The following UMODL1 variants were observed in gnomAD, a reference collection of about 807,000 sequenced individuals.
UMODL1 encodes uromodulin like 1.
Under a neutral mutation model 136.3 loss-of-function variants are expected in UMODL1, and 128 were observed. The ratio of observed to expected loss-of-function variants is 0.94; its 90% CI spans 0.81 to 1.09. The LOEUF (loss-of-function observed/expected upper bound fraction) is 1.09. UMODL1 is among the 50% of genes least tolerant of loss of function. The pLI is 0.00. For missense variants in UMODL1, 1,766 were observed against 1,725.6 expected, an observed-to-expected ratio of 1.02 and a Z score of -0.41; for synonymous variants, 721 against 720.0, an observed-to-expected ratio of 1.00 and a Z score of -0.02.
chr21:42,090,394 A>G lies in UMODL1; in HGVS notation c.887A>G (p.Glu296Gly). ...EGSYWCVCHQ[E>G]APATSPRKLN... ...TCGTACTGGTGCGTCTGTCACCAGG[A>G]AGCTCCAGCCACGTCTCCACGGAAG... The change falls in exon 6 of 23, where the codon GAA becomes GGA. Residue 296 changes from glutamate to glycine, a missense_variant. Physicochemically the swap from Glu to Gly is moderately conservative, Grantham distance 98. Coordinates refer to ENST00000408910, the MANE Select transcript of UMODL1 (RefSeq NM_001004416.3). The G allele has an allele frequency of 6.2e-7, 1 of 1,614,038 alleles. No homozygotes were observed. Among genetic ancestry groups the G allele is most frequent in the Non-Finnish European group, 8.5e-7 (1 of 1,179,934 alleles).
At chr21:42,121,826 G>A (rs2066976642) in intron 16 of UMODL1, among the ~76,000 whole-genome samples, 1 of 152,180 alleles carries the variant, frequency 6.6e-6, no homozygotes, top group Non-Finnish European at 1.5e-5. Context: ...AGTGAGTGTG[G>A]CCAGGGAGGG....
chr21:42,103,823 C>G lies in UMODL1; in HGVS notation c.1300-45C>G, dbSNP rs116504428. 2,842 of 1,607,074 alleles carry G rather than the reference C, an allele frequency of 1.8e-3. 39 individuals are homozygous for G. The African/African-American group carries it at 0.03, about 17-fold the overall frequency. Reference sequence around the variant, plus strand: ...CACACCTGGAACCCTGCTTAATGGTCGTGAAGACGTTGATGGATGTCTGCT... The same window carrying G: ...CACACCTGGAACCCTGCTTAATGGTGGTGAAGACGTTGATGGATGTCTGCT... On this transcript the variant is annotated intron_variant, in intron 8 of 22. Coordinates refer to ENST00000408910, the MANE Select transcript of UMODL1 (RefSeq NM_001004416.3).
At chr21:42,073,067 G>A (rs549424316) in intron 1 of UMODL1, among the ~76,000 whole-genome samples, 2 of 152,308 alleles carry the variant, frequency 1.3e-5, no homozygotes, top group South Asian at 2.1e-4. Context: ...TGTGCAGGAC[G>A]GCTCTGCTGC....
intron 6 of UMODL1, among the ~76,000 whole-genome samples, chr21:42,097,624 G>C (rs1051059916): frequency 7.2e-5 from 11 of 152,278 alleles, no homozygotes; most frequent in African/African-American, 2.2e-4. Context: ...TACAGAAAAG[G>C]CTTTGGGAAG....
chr21:42,130,939 G>A (rs909953946), intron 21 of UMODL1, among the ~76,000 whole-genome samples: 2 of 151,658 alleles, frequency 1.3e-5, no homozygotes, highest in African/African-American at 4.8e-5. Context: ...ACTCAGTCCC[G>A]AGTAACAGGG....
chr21:42,076,054 C>A lies in UMODL1; in HGVS notation c.126C>A (p.Thr42=). 2 of 1,614,242 alleles carry A rather than the reference C, an allele frequency of 1.2e-6. No individual in the cohort carries two copies. The highest frequency in any genetic ancestry group is 1.6e-4 in the Middle Eastern group (1 of 6,062). ...ACCAGCTATGCAGCCACCGTGTGAC[C>A]CACACTGTACAGAAGGTGGAGGCCG... The part of the protein sequence containing the change: ...LGYQLCSHRV[T]HTVQKVEAVQ... The change falls in exon 2 of 23, where the codon ACC becomes ACA. Residue 42 remains threonine (T), a synonymous_variant. Transcript: ENST00000408910.
rs992497488 is a variant in UMODL1 at position 42,119,249 on chromosome 21, G to C, written c.2614G>C (p.Val872Leu). ...LIIADVDVQE[V>L]SAAFLTAFQT... ...AATCGCAGATGTGGATGTCCAGGAG[G>C]TGTCAGCTGCATTTCTCACCGCCTT... The change falls in exon 15 of 23, where the codon GTG becomes CTG. Residue 872 changes from valine (V) to leucine (L), a missense_variant. By Grantham distance (32) the Val-to-Leu change is conservative (BLOSUM62 1). Transcript: ENST00000408910. 6.2e-7 allele frequency: 1 copy of C among 1,614,228 alleles called. No homozygotes were observed. The highest frequency in any genetic ancestry group is 8.5e-7 in the Non-Finnish European group (1 of 1,180,044).
intron 20 of UMODL1, among the ~76,000 whole-genome samples, chr21:42,128,298 C>T (rs952191169): frequency 1.3e-5 from 2 of 151,988 alleles, no homozygotes; most frequent in Non-Finnish European, 2.9e-5. Flanking sequence ...TCCTGTTTTC[C>T]TTAGATTTTT....
chr21:42,089,653 T>C (rs1569148121), intron 5 of UMODL1, among the ~76,000 whole-genome samples: 1 of 152,146 alleles, frequency 6.6e-6, no homozygotes, highest in Admixed American at 6.5e-5. Flanking sequence ...CATCAGAAAA[T>C]GGAGGCAACT....
intron 17 of UMODL1, among the ~76,000 whole-genome samples, chr21:42,126,099 G>A (rs2067049225): frequency 6.6e-6 from 1 of 152,206 alleles, no homozygotes; most frequent in African/African-American, 2.4e-5. Context: ...ACTTATTTGT[G>A]CAGCTGCCAC....
At chr21:42,090,581 G>A (rs1008920759) in intron 6 of UMODL1, 143 bp downstream of exon 6, 15 of 1,116,222 alleles carry the variant, frequency 1.3e-5, no homozygotes, top group Admixed American at 2.8e-5. Context: ...TATTATTTTC[G>A]CATCACTGTG....
rs1489920835 is a variant in UMODL1 at position 42,084,126 on chromosome 21, G to A, written c.362G>A (p.Cys121Tyr). The change falls in exon 3 of 23, where the codon TGC becomes TAC. Residue 121 changes from cysteine (C) to tyrosine (Y), a missense_variant. Cys to Tyr is a radical substitution (Grantham distance 194). Coordinates refer to ENST00000408910, the MANE Select transcript of UMODL1 (RefSeq NM_001004416.3). Reference protein sequence around the residue: ...SGQFTSRPGACPAEGPEPSTS... With the variant: ...SGQFTSRPGAYPAEGPEPSTS... The stretch of plus-strand genomic sequence containing the variant: ...CAGTTCACGTCAAGACCTGGGGCCT[G>A]CCCCGCAGAGGGGCCTGAACCATCC... 12 of 1,613,946 alleles carry A rather than the reference G, an allele frequency of 7.4e-6. No homozygotes were observed. The highest frequency in any genetic ancestry group is 1.0e-5 in the Non-Finnish European group (12 of 1,179,994).
At chr21:42,071,248 C>T (rs968259804), upstream of UMODL1, 3 of 1,406,442 alleles carry the variant, frequency 2.1e-6, no homozygotes, top group African/African-American at 3.0e-5. Flanking sequence ...CCCTATGAGC[C>T]CTGGCGTAGC....
At position 42,099,023 on chromosome 21, in the gene UMODL1, T is replaced by A; in HGVS notation, c.1029T>A (p.His343Gln). Reference sequence around the variant, plus strand: ...ATTCTACACAGAACCACACTTTCCATGTCCGGGTTTACCGGGGTATGGAGT... The same window carrying A: ...ATTCTACACAGAACCACACTTTCCAAGTCCGGGTTTACCGGGGTATGGAGT... ...RLNSTQNHTFHVRVYRGMELL... is the reference protein window; with the variant it reads ...RLNSTQNHTFQVRVYRGMELL... Residue 343 changes from histidine to glutamine, a missense_variant, in exon 7 of 23, where the codon CAT (histidine) becomes CAA (glutamine). Physicochemically the swap from His to Gln is conservative, Grantham distance 24. Transcript: ENST00000408910. This position sits in a 1 kb window ranked among gnomAD's most constrained non-coding sequence, Gnocchi z 4.1. 1 of 1,614,122 alleles carries A rather than the reference T, an allele frequency of 6.2e-7. No individual in the cohort carries two copies. Among genetic ancestry groups the A allele is most frequent in the Non-Finnish European group, 8.5e-7 (1 of 1,179,996 alleles).
intron 5 of UMODL1, among the ~76,000 whole-genome samples, chr21:42,089,905 C>T (rs370732026): frequency 1.4e-4 from 21 of 152,216 alleles, no homozygotes; most frequent in East Asian, 1.2e-3. Flanking sequence ...AGCCTCAGAA[C>T]GTCAGGGGTG....
At chr21:42,077,880 T>C (rs1488362368) in intron 2 of UMODL1, among the ~76,000 whole-genome samples, 3 of 152,150 alleles carry the variant, frequency 2.0e-5, no homozygotes, top group Admixed American at 6.5e-5. Flanking sequence ...GTCTGCCTCC[T>C]CCAGAAACCA....
intron 2 of UMODL1, among the ~76,000 whole-genome samples, chr21:42,078,972 G>A (rs1020761301): frequency 1.3e-5 from 2 of 152,232 alleles, no homozygotes; most frequent in African/African-American, 4.8e-5. Context: ...ACTCCTAGGG[G>A]ATAGCGGGGG....
In UMODL1 at chr21:42,142,210, C is replaced by T. The variant is rs2067291380; in HGVS notation, c.*136C>T. ...TCCCTCGGTTCTTAACTCTTCAAGC[C>T]TTAACGGAGGTCTGCTCTGACGGGT... is the stretch of plus-strand genomic sequence containing the variant. On this transcript the variant is annotated 3_prime_UTR_variant, in exon 23 of 23. Coordinates refer to ENST00000408910, the MANE Select transcript of UMODL1 (RefSeq NM_001004416.3). 1 of 152,236 alleles carries T rather than the reference C, an allele frequency of 6.6e-6. No homozygotes were observed. The highest frequency in any genetic ancestry group is 1.5e-5 in the Non-Finnish European group (1 of 68,062). 9.4% of individuals were successfully genotyped at this position (152,236 alleles called of 1,614,324 possible). A position where few individuals can be genotyped will look rare whatever the true frequency, so the allele number is the denominator to read the frequency against.
At chr21:42,140,182 G>A (rs890688337) in intron 22 of UMODL1, among the ~76,000 whole-genome samples, 7 of 152,220 alleles carry the variant, frequency 4.6e-5, no homozygotes, top group African/African-American at 1.4e-4. Flanking sequence ...CTGCCTGCCC[G>A]ACGAAGAGGG....
Sources: gnomAD v4.1 joint callset for allele counts (sites outside exome capture counted in the v4.1 genomes callset) on GRCh38, gnomAD v4.1.1 for gene constraint, Gnocchi (gnomAD v3.1) non-coding constraint, MANE v1.5 for transcripts, NCBI Gene and HGNC (gene_info 2026-07-23, HGNC 2026-07-21) for gene names.